The following RNF150 variants were observed in gnomAD, a reference collection of about 807,000 sequenced individuals.
The protein encoded by RNF150 is ring finger protein 150.
RNF150 carries 24 observed loss-of-function variants against 39.3 expected under a neutral mutation model. The observed-to-expected ratio is 0.61, with a 90% CI of 0.44 to 0.86. The LOEUF is 0.86. RNF150 is among the 40% of genes least tolerant of loss of function. The probability of loss-of-function intolerance (pLI) is 0.00; values close to 1 mark genes in which losing one functional copy is unlikely to be tolerated. For missense variants in RNF150, 502 were observed against 587.8 expected (o/e 0.85, Z 1.51); for synonymous variants, 255 against 227.3 (o/e 1.12, Z -1.10).
chr4:140,919,592 G>A (rs12502043), intron 5 of RNF150, among the ~76,000 whole-genome samples: 12 of 137,232 alleles, frequency 8.7e-5, no homozygotes, highest in African/African-American at 2.9e-4. Context: ...AATCAATATC[G>A]TGAAAATGGC....
At chr4:141,047,797 T>C (rs1335310802) in intron 1 of RNF150, among the ~76,000 whole-genome samples, 3 of 152,108 alleles carry the variant, frequency 2.0e-5, no homozygotes, top group Non-Finnish European at 4.4e-5. Flanking sequence ...TTTAAAATTA[T>C]ATATATATTT....
rs139247346 is a variant in RNF150 at position 140,888,830 on chromosome 4, A to G, written c.1199-20451T>C. Among the ~76,000 whole-genome samples the G allele has an allele frequency of 4.2e-3, 643 of 152,308 alleles. 4 individuals carry two copies. Among genetic ancestry groups the G allele is most frequent in the African/African-American group, 0.014 (597 of 41,562 alleles). ...TAATGAATATAAAGCATTCATCCCT[A>G]TTTCTGGCTCAAAGAAATCCTTAAT... On this transcript the variant is annotated intron_variant, in intron 6 of 6. Coordinates refer to ENST00000515673, the MANE Select transcript of RNF150 (RefSeq NM_020724.2).
At chr4:141,004,524 T>C (rs907132753) in intron 1 of RNF150, among the ~76,000 whole-genome samples, 1 of 152,238 alleles carries the variant, frequency 6.6e-6, no homozygotes, top group African/African-American at 2.4e-5. Context: ...TAGACATTGC[T>C]AACAGAATTA....
At chr4:141,201,355 T>G (rs2111217149) in intron 1 of RNF150, among the ~76,000 whole-genome samples, 1 of 152,312 alleles carries the variant, frequency 6.6e-6, no homozygotes, top group Non-Finnish European at 1.5e-5. Flanking sequence ...AGTTATATGG[T>G]TTACATGAGG....
Position 141,056,904 on chromosome 4 carries a change from C to G in RNF150, c.484+75421G>C, listed in dbSNP as rs182680635. ...GGCTTGAGGAAAGAAGAAAATCTAT[C>G]TAAAATGCATAACTGTTTTTTTAAA... On this transcript the variant is annotated intron_variant, in intron 1 of 6. Coordinates refer to ENST00000515673, the MANE Select transcript of RNF150 (RefSeq NM_020724.2). 5.3e-5 allele frequency among the ~76,000 whole-genome samples: 8 copies of G among 152,106 alleles called. No individual in the cohort carries two copies. The East Asian group carries it at 1.4e-3, about 26-fold the overall frequency.
Position 140,987,137 on chromosome 4 carries a change from AT to A in RNF150, c.485-19265del, listed in dbSNP as rs1398584550. Among the ~76,000 whole-genome samples the A allele has an allele frequency of 8.5e-5, 13 of 152,250 alleles. No homozygotes were observed. In the East Asian group the frequency reaches 2.3e-3, roughly 27 times the overall value. On this transcript the variant is annotated intron_variant, in intron 1 of 6. Transcript: ENST00000515673. ...AATCAGAGATGACACAAATAAAAAA[AT>A]ATTCCATGTACATGAATTGGAAGAA...
At chr4:140,874,748 A>C (rs1028541567) in intron 6 of RNF150, among the ~76,000 whole-genome samples, 3 of 152,176 alleles carry the variant, frequency 2.0e-5, no homozygotes, top group African/African-American at 7.2e-5. Flanking sequence ...AATAGCCGGG[A>C]CTACAGGCAT....
intron 2 of RNF150, among the ~76,000 whole-genome samples, chr4:140,959,483 G>A (rs1374803791): frequency 6.6e-6 from 1 of 152,142 alleles, no homozygotes; most frequent in African/African-American, 2.4e-5. Flanking sequence ...TCACCTCCCT[G>A]AGCTCTGTGC....
chr4:141,050,340 C>A (rs968999565), intron 1 of RNF150, among the ~76,000 whole-genome samples: 1 of 152,110 alleles, frequency 6.6e-6, no homozygotes, highest in Non-Finnish European at 1.5e-5. Flanking sequence ...CCTCCCAAAT[C>A]TCATGTCCTC....
upstream of RNF150, among the ~76,000 whole-genome samples, chr4:141,134,928 C>T (rs1420046987): frequency 6.6e-6 from 1 of 152,116 alleles, no homozygotes; most frequent in East Asian, 1.9e-4. Flanking sequence ...TTTTTTTCTC[C>T]AGCTGGAAGA....
intron 1 of RNF150, among the ~76,000 whole-genome samples, chr4:141,085,042 C>T (rs1738307142): frequency 6.6e-6 from 1 of 152,098 alleles, no homozygotes; most frequent in African/African-American, 2.4e-5. Flanking sequence ...TATTTTCATA[C>T]TGCTATGAAG....
At chr4:140,958,117 G>T (rs1732853828) in intron 2 of RNF150, among the ~76,000 whole-genome samples, 1 of 152,008 alleles carries the variant, frequency 6.6e-6, no homozygotes, top group Non-Finnish European at 1.5e-5. Flanking sequence ...GTTTACATTA[G>T]GTACTAGAAG....
At chr4:141,093,798 G>A (rs1471702766) in intron 1 of RNF150, among the ~76,000 whole-genome samples, 1 of 152,070 alleles carries the variant, frequency 6.6e-6, no homozygotes, top group East Asian at 1.9e-4. Context: ...GCATGGGTGA[G>A]ACTTGGAAAA....
chr4:141,099,513 A>G (rs1429807850), intron 1 of RNF150, among the ~76,000 whole-genome samples: 1 of 152,190 alleles, frequency 6.6e-6, no homozygotes, highest in Admixed American at 6.5e-5. Context: ...CTGGTGACTA[A>G]TGGTCAAAGT....
At chr4:140,916,192 G>A (rs1178027165) in intron 5 of RNF150, among the ~76,000 whole-genome samples, 7 of 152,192 alleles carry the variant, frequency 4.6e-5, no homozygotes, top group Non-Finnish European at 7.3e-5. Context: ...AAAGCTGGAC[G>A]GAGAATGACT....
intron 4 of RNF150, chr4:140,944,443 T>G (rs1732207295): frequency 1.3e-5 from 2 of 152,276 alleles, no homozygotes; most frequent in South Asian, 4.2e-4. Flanking sequence ...CTCACCTTCA[T>G]GTGCTAGAGA....
intron 1 of RNF150, among the ~76,000 whole-genome samples, chr4:141,190,893 G>C (rs1297284158): frequency 6.6e-6 from 1 of 152,128 alleles, no homozygotes; most frequent in African/African-American, 2.4e-5. Context: ...AGAGTGAAAA[G>C]TTTAAAATTG....
chr4:140,991,689 G>A lies in RNF150; in HGVS notation c.485-23816C>T, dbSNP rs75386714. On this transcript the variant is annotated intron_variant, in intron 1 of 6. Coordinates refer to ENST00000515673, the MANE Select transcript of RNF150 (RefSeq NM_020724.2). ...AGGCAAAAGACAGTTACATATTTGG[G>A]TTGCTGAGCAACTGATAGAGCATCT... Among the ~76,000 whole-genome samples the A allele has an allele frequency of 0.011, 1,635 of 152,126 alleles. 136 individuals carry two copies. In the East Asian group the frequency reaches 0.23, roughly 21 times the overall value.
intron 1 of RNF150, among the ~76,000 whole-genome samples, chr4:141,177,415 T>C (rs1727832175): frequency 6.6e-6 from 1 of 152,166 alleles, no homozygotes; most frequent in East Asian, 1.9e-4. Flanking sequence ...AATGTAAATT[T>C]GATTATCTCT....
Sources: gnomAD v4.1 joint callset for allele counts (sites outside exome capture counted in the v4.1 genomes callset) on GRCh38, gnomAD v4.1.1 for gene constraint, MANE v1.5 for transcripts, NCBI Gene and HGNC (gene_info 2026-07-23, HGNC 2026-07-21) for gene names.